CTNND2: variants seen among roughly 807,000 people sequenced by gnomAD.
The protein encoded by CTNND2 is catenin delta 2, also known as catenin delta-2.
A neutral mutation model predicts 144.4 loss-of-function variants in CTNND2; 22 were observed. The observed-to-expected ratio is 0.15, with a 90% confidence interval of 0.11 to 0.22. CTNND2 has a LOEUF of 0.22. CTNND2 is among the 10% of genes least tolerant of loss of function. The pLI, the probability that CTNND2 is intolerant of heterozygous loss-of-function variation, is 1.00. For missense variants in CTNND2, 1,353 were observed against 1,618.8 expected (o/e 0.84, Z 2.82); for synonymous variants, 751 against 695.6 (o/e 1.08, Z -1.25).
At chr5:11,391,056 T>C (rs964088461) in intron 6 of CTNND2, among the ~76,000 whole-genome samples, 1 of 151,978 alleles carries the variant, frequency 6.6e-6, no homozygotes, top group African/African-American at 2.4e-5. Context: ...TTGGAGCTCA[T>C]GTGTGAGGAA....
At chr5:11,122,083 T>C (rs1754199873) in intron 12 of CTNND2, among the ~76,000 whole-genome samples, 2 of 152,264 alleles carry the variant, frequency 1.3e-5, no homozygotes, top group Middle Eastern at 3.4e-3. Context: ...TTCCATCGGA[T>C]TGGAATTCAG....
intron 3 of CTNND2, among the ~76,000 whole-genome samples, chr5:11,467,387 G>A (rs1293077032): frequency 6.6e-6 from 1 of 152,222 alleles, no homozygotes; most frequent in Non-Finnish European, 1.5e-5. Flanking sequence ...CCACACTGGG[G>A]CAAGGCTTTG....
chr5:11,346,718 A>G (rs1754831348), intron 8 of CTNND2, 91 bp from the exon 9 acceptor site: 2 of 1,231,022 alleles, frequency 1.6e-6, no homozygotes, highest in Non-Finnish European at 2.1e-6. Flanking sequence ...GGGAAGTTAC[A>G]CACATAAAAA....
chr5:11,579,516 G>GA (rs1778248671), intron 2 of CTNND2, among the ~76,000 whole-genome samples: 1 of 152,040 alleles, frequency 6.6e-6, no homozygotes, highest in South Asian at 2.1e-4. Context: ...GACCACAGGG[G>GA]AAAAAATAAA....
At chr5:11,785,303 T>C (rs1320183861) in intron 1 of CTNND2, among the ~76,000 whole-genome samples, 1 of 152,160 alleles carries the variant, frequency 6.6e-6, no homozygotes, top group Non-Finnish European at 1.5e-5. Context: ...AGCCATCTCT[T>C]TGGAAACAGG....
intron 1 of CTNND2, among the ~76,000 whole-genome samples, chr5:11,858,102 T>A (rs1795333858): frequency 6.6e-6 from 1 of 152,250 alleles, no homozygotes; most frequent in Non-Finnish European, 1.5e-5. Flanking sequence ...GGACCATTTT[T>A]TAAAGTAACT....
intron 14 of CTNND2, among the ~76,000 whole-genome samples, chr5:11,108,392 C>T (rs1752629043): frequency 6.6e-6 from 1 of 152,188 alleles, no homozygotes; most frequent in African/African-American, 2.4e-5. Flanking sequence ...TAAAACAGCA[C>T]CGTGTATATC....
chr5:11,765,158 C>A (rs903841977), intron 1 of CTNND2, among the ~76,000 whole-genome samples: 4 of 151,306 alleles, frequency 2.6e-5, no homozygotes, highest in African/African-American at 9.7e-5. Context: ...GAGGATCTTG[C>A]AGTTCTGTGG....
chr5:11,154,553 T>C (rs1055864398), intron 12 of CTNND2, among the ~76,000 whole-genome samples: 1 of 152,204 alleles, frequency 6.6e-6, no homozygotes, highest in African/African-American at 2.4e-5. Flanking sequence ...CTGAGTTGTC[T>C]ATCTCCTCCT....
intron 1 of CTNND2, among the ~76,000 whole-genome samples, chr5:11,792,060 T>A (rs1791159658): frequency 6.6e-6 from 1 of 152,196 alleles, no homozygotes; most frequent in Non-Finnish European, 1.5e-5. Flanking sequence ...ATTCTAACTC[T>A]GGGAATGAAA....
At chr5:11,698,024 T>G (rs1314637213) in intron 2 of CTNND2, among the ~76,000 whole-genome samples, 1 of 152,138 alleles carries the variant, frequency 6.6e-6, no homozygotes. Context: ...AGAGTTACAG[T>G]CAGATTTAAT....
chr5:11,604,229 T>G (rs1779941914), intron 2 of CTNND2, among the ~76,000 whole-genome samples: 2 of 152,206 alleles, frequency 1.3e-5, no homozygotes. Context: ...AGTGTTTCAT[T>G]TATGCAGCAA....
At chr5:11,840,071 A>G (rs2126980803) in intron 1 of CTNND2, among the ~76,000 whole-genome samples, 1 of 152,352 alleles carries the variant, frequency 6.6e-6, no homozygotes, top group Admixed American at 6.5e-5. Context: ...TAAAAAAATT[A>G]TAAAAGCTAC....
intron 3 of CTNND2, among the ~76,000 whole-genome samples, chr5:11,506,072 C>A (rs1771003874): frequency 1.3e-5 from 2 of 152,148 alleles, no homozygotes; most frequent in South Asian, 2.1e-4. Context: ...CAGCTCGGGA[C>A]ACTGCACTTG....
At chr5:11,859,299 T>G (rs1379003710) in intron 1 of CTNND2, among the ~76,000 whole-genome samples, 1 of 152,232 alleles carries the variant, frequency 6.6e-6, no homozygotes, top group African/African-American at 2.4e-5. Context: ...TTTCATAATT[T>G]GCACTATCAC....
At chr5:11,532,234 G>T (rs1773807865) in intron 3 of CTNND2, among the ~76,000 whole-genome samples, 1 of 151,812 alleles carries the variant, frequency 6.6e-6, no homozygotes, top group Non-Finnish European at 1.5e-5. Flanking sequence ...CCCTCTGCCA[G>T]GCTTGCAGGC....
intron 12 of CTNND2, among the ~76,000 whole-genome samples, chr5:11,153,165 G>A (rs1474396649): frequency 3.9e-5 from 6 of 152,148 alleles, no homozygotes; most frequent in East Asian, 1.9e-4. Context: ...GGGAGGCTGA[G>A]GCAGGAGAAT....
chr5:11,086,646 A>T (rs1202181124), intron 15 of CTNND2, among the ~76,000 whole-genome samples: 1 of 152,222 alleles, frequency 6.6e-6, no homozygotes, highest in Non-Finnish European at 1.5e-5. Context: ...TGAAATTCCT[A>T]GTTGTATGTA....
chr5:11,715,185 A>G (rs1208565082), intron 2 of CTNND2, among the ~76,000 whole-genome samples: 1 of 152,208 alleles, frequency 6.6e-6, no homozygotes, highest in African/African-American at 2.4e-5. Flanking sequence ...TTAGTTCCAT[A>G]GCCAGAGCAG....
Sources: allele counts gnomAD v4.1 joint callset (sites outside exome capture counted in the v4.1 genomes callset), GRCh38; gene constraint gnomAD v4.1.1; transcripts MANE v1.5; gene names NCBI Gene and HGNC (gene_info 2026-07-23, HGNC 2026-07-21).